PLCB1: variants seen among roughly 807,000 people sequenced by gnomAD.
The protein encoded by PLCB1 is 1-phosphatidylinositol 4,5-bisphosphate phosphodiesterase beta-1.
A neutral mutation model predicts 161.8 loss-of-function variants in PLCB1; 46 were observed. The observed-to-expected ratio is 0.28, with a 90% CI of 0.22 to 0.36. The LOEUF (loss-of-function observed/expected upper bound fraction) is 0.36, where lower values mean the gene tolerates loss of function less well. PLCB1 is among the 10% of genes least tolerant of loss of function. PLCB1 has a pLI of 1.00. For synonymous variants in PLCB1, 517 were observed against 503.7 expected (o/e 1.03, Z -0.35); for missense variants, 1,016 against 1,472.5 (o/e 0.69, Z 5.07).
chr20:8,197,506 G>T (rs1429546894), intron 2 of PLCB1, among the ~76,000 whole-genome samples: 1 of 151,932 alleles, frequency 6.6e-6, no homozygotes, highest in Non-Finnish European at 1.5e-5. Flanking sequence ...TGTTGATGGG[G>T]TTGTTTTTTT....
intron 2 of PLCB1, among the ~76,000 whole-genome samples, chr20:8,281,629 C>T (rs1306576997): frequency 6.6e-6 from 1 of 152,100 alleles, no homozygotes; most frequent in Non-Finnish European, 1.5e-5. Context: ...TGGCTTAGAA[C>T]TTGCATGAAG....
At position 8,846,764 on chromosome 20, in the gene PLCB1, G is replaced by A. The variant is rs192386481; in HGVS notation, c.3424-34858G>A. ...TCACATAAGCATAAGCACCTGAAGC[G>A]TCTCTTGAAGTCTGGGAAGATCCGG... On this transcript the variant is annotated intron_variant, in intron 31 of 31. Coordinates refer to ENST00000338037, the MANE Select transcript of PLCB1 (RefSeq NM_015192.4). 3.6e-3 allele frequency among the ~76,000 whole-genome samples: 542 copies of A among 152,296 alleles called. 3 individuals carry two copies. Among genetic ancestry groups the A allele is most frequent in the African/African-American group, 0.012 (486 of 41,558 alleles).
chr20:8,387,271 G>A, intron 3 of PLCB1, among the ~76,000 whole-genome samples: 1 of 152,116 alleles, frequency 6.6e-6, no homozygotes, highest in Admixed American at 6.5e-5. Context: ...AGTGAAAGGT[G>A]CATGATTCTT....
At chr20:8,282,932 T>TCTATCCCACC (rs112790028) in intron 2 of PLCB1, among the ~76,000 whole-genome samples, 1 of 151,582 alleles carries the variant, frequency 6.6e-6, no homozygotes, top group South Asian at 2.1e-4. Flanking sequence ...AGAGTTTATT[T>TCTATCCCACC]CTACTCTGAG....
intron 10 of PLCB1, among the ~76,000 whole-genome samples, chr20:8,689,555 A>C: frequency 6.6e-6 from 1 of 152,188 alleles, no homozygotes; most frequent in Non-Finnish European, 1.5e-5. Flanking sequence ...TCTTTTTAGT[A>C]ATCTTGATAC....
chr20:8,819,683 C>A (rs1456760033), intron 31 of PLCB1, among the ~76,000 whole-genome samples: 1 of 152,156 alleles, frequency 6.6e-6, no homozygotes, highest in East Asian at 1.9e-4. Context: ...CCAAAACCTG[C>A]AGATGCTGAG....
At chr20:8,755,536 T>G (rs1981693307) in intron 23 of PLCB1, among the ~76,000 whole-genome samples, 1 of 152,206 alleles carries the variant, frequency 6.6e-6, no homozygotes, top group South Asian at 2.1e-4. Context: ...TGTAGGCAAT[T>G]ATTTTATAAG....
intron 4 of PLCB1, among the ~76,000 whole-genome samples, chr20:8,642,770 C>T (rs1160820989): frequency 6.6e-6 from 1 of 152,108 alleles, no homozygotes; most frequent in Admixed American, 6.5e-5. Flanking sequence ...TTAAATCTCC[C>T]CAACTCTTTC....
chr20:8,713,212 A>G (rs1327958965), intron 12 of PLCB1, among the ~76,000 whole-genome samples: 2 of 152,062 alleles, frequency 1.3e-5, no homozygotes, highest in East Asian at 3.9e-4. Flanking sequence ...GTTTGGTTTG[A>G]GGGTCTCACT....
At chr20:8,274,354 C>A (rs1047747331) in intron 2 of PLCB1, among the ~76,000 whole-genome samples, 21 of 152,038 alleles carry the variant, frequency 1.4e-4, no homozygotes, top group African/African-American at 5.1e-4. Context: ...TATACAGATA[C>A]TATTTTAACA....
At chr20:8,525,194 C>T (rs372271704) in intron 3 of PLCB1, among the ~76,000 whole-genome samples, 3 of 151,602 alleles carry the variant, frequency 2.0e-5, no homozygotes, top group East Asian at 3.9e-4. Flanking sequence ...AATTGAAGGG[C>T]AGTGGATAGA....
At chr20:8,622,902 G>A (rs1954375063) in intron 3 of PLCB1, among the ~76,000 whole-genome samples, 2 of 151,612 alleles carry the variant, frequency 1.3e-5, no homozygotes, top group South Asian at 4.1e-4. Context: ...TAATAGCTCA[G>A]GCAATGCAAC....
At chr20:8,496,624 A>G (rs750220293) in intron 3 of PLCB1, among the ~76,000 whole-genome samples, 10 of 152,184 alleles carry the variant, frequency 6.6e-5, no homozygotes, top group Non-Finnish European at 1.0e-4. Flanking sequence ...AAAGCCATTG[A>G]TGGAGGTAGA....
At chr20:8,560,135 T>A (rs762083432) in intron 3 of PLCB1, among the ~76,000 whole-genome samples, 18 of 152,010 alleles carry the variant, frequency 1.2e-4, no homozygotes, top group Non-Finnish European at 8.8e-5. Flanking sequence ...CCTCACCCAA[T>A]GTGTCTGATT....
At chr20:8,382,098 A>G (rs536226475) in intron 3 of PLCB1, among the ~76,000 whole-genome samples, 1 of 152,150 alleles carries the variant, frequency 6.6e-6, no homozygotes, top group Admixed American at 6.5e-5. Context: ...TTAGTGCTAT[A>G]AAGTTCCCTC....
At chr20:8,174,430 G>C (rs987328485) in intron 2 of PLCB1, among the ~76,000 whole-genome samples, 1 of 152,162 alleles carries the variant, frequency 6.6e-6, no homozygotes, top group Non-Finnish European at 1.5e-5. Context: ...ACTGGAATTT[G>C]TAAGTAGCAG....
chr20:8,416,619 A>G (rs1979282459), intron 3 of PLCB1, among the ~76,000 whole-genome samples: 1 of 152,120 alleles, frequency 6.6e-6, no homozygotes. Flanking sequence ...TAGGGCTTGT[A>G]AAAGATTCTG....
At chr20:8,860,373 A>T (rs180829796) in intron 31 of PLCB1, among the ~76,000 whole-genome samples, 1 of 152,208 alleles carries the variant, frequency 6.6e-6, no homozygotes, top group Non-Finnish European at 1.5e-5. Flanking sequence ...CTCAGAGACA[A>T]GTCCTACCAC....
intron 2 of PLCB1, among the ~76,000 whole-genome samples, chr20:8,214,641 T>G (rs1199703237): frequency 2.0e-5 from 3 of 152,192 alleles, no homozygotes; most frequent in African/African-American, 7.2e-5. Context: ...CTATGCCTAC[T>G]ACTGCATTTT....
Sources: allele counts gnomAD v4.1 joint callset (sites outside exome capture counted in the v4.1 genomes callset), GRCh38; gene constraint gnomAD v4.1.1; transcripts MANE v1.5; gene names NCBI Gene and HGNC (gene_info 2026-07-23, HGNC 2026-07-21).